The following KCNIP4 variants were observed in gnomAD, a reference collection of about 807,000 sequenced individuals.
KCNIP4 encodes Kv channel-interacting protein 4.
A neutral mutation model predicts 34.0 loss-of-function variants in KCNIP4; 12 were observed. The ratio of observed to expected loss-of-function variants is 0.35; its 90% CI spans 0.23 to 0.57. KCNIP4 has a LOEUF of 0.57. Ranked by LOEUF, KCNIP4 falls within the 20% of genes least tolerant of loss-of-function variation. The pLI, the probability that KCNIP4 is intolerant of heterozygous loss-of-function variation, is 0.83. For synonymous variants in KCNIP4, 124 were observed against 102.2 expected, an observed-to-expected ratio of 1.21 and a Z score of -1.29; for missense variants, 238 against 311.7, an observed-to-expected ratio of 0.76 and a Z score of 1.78.
chr4:21,710,289 C>T (rs566898039), intron 1 of KCNIP4, among the ~76,000 whole-genome samples: 1 of 152,180 alleles, frequency 6.6e-6, no homozygotes, highest in South Asian at 2.1e-4. Context: ...TGAGGACGAC[C>T]ACACTCACAC....
chr4:20,899,195 G>A (rs555808403), intron 1 of KCNIP4, among the ~76,000 whole-genome samples: 1 of 152,202 alleles, frequency 6.6e-6, no homozygotes, highest in South Asian at 2.1e-4. Context: ...AAAAAGTGTG[G>A]GTAGAAAGAT....
At chr4:21,273,858 C>T (rs142459274) in intron 1 of KCNIP4, among the ~76,000 whole-genome samples, 34 of 152,236 alleles carry the variant, frequency 2.2e-4, no homozygotes, top group Non-Finnish European at 4.3e-4. Context: ...TATGCATGCA[C>T]GTGTGTATGT....
At chr4:20,803,459 C>A (rs1389420718) in intron 3 of KCNIP4, among the ~76,000 whole-genome samples, 8 of 116,806 alleles carry the variant, frequency 6.8e-5, no homozygotes, top group Non-Finnish European at 1.2e-4. Context: ...ATGGCAAAAC[C>A]TCATCTTTAC....
At chr4:21,265,738 C>A (rs1761763797) in intron 1 of KCNIP4, among the ~76,000 whole-genome samples, 2 of 152,194 alleles carry the variant, frequency 1.3e-5, no homozygotes, top group South Asian at 4.1e-4. Context: ...AAAAGCCAGT[C>A]TTCACCTATT....
At chr4:21,172,626 G>A (rs1754095683) in intron 1 of KCNIP4, among the ~76,000 whole-genome samples, 1 of 152,148 alleles carries the variant, frequency 6.6e-6, no homozygotes, top group Non-Finnish European at 1.5e-5. Context: ...GGCACAGCAT[G>A]CATGTTGTTC....
chr4:21,250,067 A>G (rs1460408490), intron 1 of KCNIP4, among the ~76,000 whole-genome samples: 2 of 151,896 alleles, frequency 1.3e-5, no homozygotes, highest in Non-Finnish European at 2.9e-5. Flanking sequence ...ATTTTCTGAA[A>G]GTGTAAAGGG....
chr4:21,343,781 A>G (rs1717008705), intron 1 of KCNIP4, among the ~76,000 whole-genome samples: 1 of 152,044 alleles, frequency 6.6e-6, no homozygotes, highest in African/African-American at 2.4e-5. Context: ...CTTTTTTGCC[A>G]CACCTGAAAC....
intron 1 of KCNIP4, among the ~76,000 whole-genome samples, chr4:21,922,560 C>G (rs944687291): frequency 2.0e-5 from 3 of 152,062 alleles, no homozygotes; most frequent in Non-Finnish European, 2.9e-5. Flanking sequence ...TTCATTCAAT[C>G]AAGAAATATT....
At chr4:21,539,411 A>G (rs1470326479) in intron 1 of KCNIP4, among the ~76,000 whole-genome samples, 1 of 152,146 alleles carries the variant, frequency 6.6e-6, no homozygotes, top group African/African-American at 2.4e-5. Flanking sequence ...CCAAAGAAGG[A>G]AGGGAGAAAG....
At chr4:20,910,114 G>A (rs568030976) in intron 1 of KCNIP4, among the ~76,000 whole-genome samples, 71 of 152,202 alleles carry the variant, frequency 4.7e-4, no homozygotes, top group South Asian at 1.7e-3. Context: ...GACCTGATGC[G>A]TATCTTTTTC....
At chr4:21,625,186 A>C (rs934931066) in intron 1 of KCNIP4, among the ~76,000 whole-genome samples, 1 of 152,140 alleles carries the variant, frequency 6.6e-6, no homozygotes, top group African/African-American at 2.4e-5. Context: ...AATATACATT[A>C]AACAATCCCT....
At chr4:21,633,732 C>T (rs1745922832) in intron 1 of KCNIP4, among the ~76,000 whole-genome samples, 1 of 151,890 alleles carries the variant, frequency 6.6e-6, no homozygotes, top group Admixed American at 6.6e-5. Context: ...TGGGTTTTAT[C>T]TTGATATTTA....
chr4:21,181,502 A>G (rs1221687806), intron 1 of KCNIP4, among the ~76,000 whole-genome samples: 1 of 152,114 alleles, frequency 6.6e-6, no homozygotes, highest in Non-Finnish European at 1.5e-5. Flanking sequence ...ATTCTCATCC[A>G]TACGTTCATG....
chr4:21,414,835 G>C (rs1323464719), intron 1 of KCNIP4, among the ~76,000 whole-genome samples: 1 of 151,926 alleles, frequency 6.6e-6, no homozygotes, highest in Non-Finnish European at 1.5e-5. Flanking sequence ...ATGGGCACAT[G>C]GTGTATATAT....
intron 1 of KCNIP4, among the ~76,000 whole-genome samples, chr4:21,546,495 G>C (rs1841373): frequency 0.36 from 55,394 of 151,818 alleles, 10,385 homozygotes; most frequent in South Asian, 0.52. Context: ...GCCATGAACC[G>C]AAAGATTGTA....
At chr4:21,335,822 T>G (rs968857964) in intron 1 of KCNIP4, among the ~76,000 whole-genome samples, 3 of 152,242 alleles carry the variant, frequency 2.0e-5, no homozygotes, top group Admixed American at 2.0e-4. Flanking sequence ...TATTATGAAA[T>G]GTTTAGCTTG....
intron 2 of KCNIP4, among the ~76,000 whole-genome samples, chr4:20,853,938 A>G (rs549664742): frequency 3.3e-5 from 5 of 152,290 alleles, no homozygotes; most frequent in African/African-American, 7.2e-5. Flanking sequence ...CAAAACCACA[A>G]TGCAATACTG....
chr4:21,623,261 A>C (rs956702590), intron 1 of KCNIP4, among the ~76,000 whole-genome samples: 1 of 152,188 alleles, frequency 6.6e-6, no homozygotes, highest in African/African-American at 2.4e-5. Context: ...TCTTATTACT[A>C]AACAATTATG....
chr4:20,970,739 A>T (rs527741991), intron 1 of KCNIP4, among the ~76,000 whole-genome samples: 1 of 152,324 alleles, frequency 6.6e-6, no homozygotes, highest in East Asian at 1.9e-4. Flanking sequence ...AATGTTTAAA[A>T]ATTATTAATA....
Sources: allele counts gnomAD v4.1 joint callset (sites outside exome capture counted in the v4.1 genomes callset), GRCh38; gene constraint gnomAD v4.1.1; transcripts MANE v1.5; gene names NCBI Gene and HGNC (gene_info 2026-07-23, HGNC 2026-07-21).